The following GMPR variants were observed in gnomAD, a reference collection of about 807,000 sequenced individuals.
The protein encoded by GMPR is GMP reductase 1.
GMPR carries 31 observed loss-of-function variants against 38.4 expected under a neutral mutation model. That is an observed-to-expected ratio of 0.81 (90% CI 0.61 to 1.09). GMPR has a LOEUF of 1.09. Among genes scored for constraint, GMPR ranks in the 50% least tolerant of loss-of-function variants. The pLI, the probability that GMPR is intolerant of heterozygous loss-of-function variation, is 0.00. For synonymous variants in GMPR, 162 were observed against 173.3 expected, an observed-to-expected ratio of 0.93 and a Z score of 0.51; for missense variants, 468 against 453.7, an observed-to-expected ratio of 1.03 and a Z score of -0.29.
At chr6:16,266,678 G>A (rs935716257) in intron 4 of GMPR, among the ~76,000 whole-genome samples, 3 of 151,550 alleles carry the variant, frequency 2.0e-5, no homozygotes, top group Non-Finnish European at 4.4e-5. Context: ...GGGCGCAGTG[G>A]CGGGCGCCTG....
chr6:16,282,798 C>T (rs1176026843), intron 6 of GMPR, among the ~76,000 whole-genome samples: 2 of 151,638 alleles, frequency 1.3e-5, no homozygotes, highest in Non-Finnish European at 2.9e-5. Context: ...ATAATGTGAG[C>T]AAGTATTTTT....
intron 4 of GMPR, among the ~76,000 whole-genome samples, chr6:16,267,032 C>G (rs1349145298): frequency 3.3e-5 from 5 of 151,674 alleles, no homozygotes; most frequent in Non-Finnish European, 7.4e-5. Flanking sequence ...GTAACACTCC[C>G]TGCGAAAAAG....
intron 6 of GMPR, among the ~76,000 whole-genome samples, chr6:16,279,288 C>T (rs1261497115): frequency 6.6e-6 from 1 of 152,144 alleles, no homozygotes; most frequent in African/African-American, 2.4e-5. Context: ...CTCTCAGGGC[C>T]CCAGGGAAGG....
chr6:16,245,008 C>G (rs1030368264), intron 1 of GMPR, among the ~76,000 whole-genome samples: 1 of 152,104 alleles, frequency 6.6e-6, no homozygotes, highest in Non-Finnish European at 1.5e-5. Context: ...TAGCAGCTAG[C>G]CCCATGCCTG....
chr6:16,250,393 T>TGATA, intron 3 of GMPR, 26 bp downstream of exon 3: 1 of 1,338,222 alleles, frequency 7.5e-7, no homozygotes, highest in Non-Finnish European at 1.1e-6. Flanking sequence ...GGTTATCAAT[T>TGATA]ACCAGTGCTG....
chr6:16,288,178 T>C (rs1759727994), intron 7 of GMPR, among the ~76,000 whole-genome samples: 1 of 152,238 alleles, frequency 6.6e-6, no homozygotes, highest in Non-Finnish European at 1.5e-5. Flanking sequence ...CTTCAGCCCG[T>C]CTCTGCACTC....
intron 4 of GMPR, among the ~76,000 whole-genome samples, chr6:16,260,065 G>A (rs557079217): frequency 1.4e-3 from 209 of 150,390 alleles, no homozygotes; most frequent in African/African-American, 2.8e-3. Flanking sequence ...AAAAAGGAGC[G>A]TCTATACAGG....
chr6:16,267,990 A>G (rs936838475), intron 4 of GMPR, among the ~76,000 whole-genome samples: 1 of 152,192 alleles, frequency 6.6e-6, no homozygotes. Flanking sequence ...TTTCCGCTGT[A>G]CGCCTCTTCA....
At chr6:16,262,341 G>A (rs1354073729) in intron 4 of GMPR, 1 of 152,050 alleles carries the variant, frequency 6.6e-6, no homozygotes, top group African/African-American at 2.4e-5. Flanking sequence ...GTGGCTGCCA[G>A]GTGAGTTAGA....
At chr6:16,287,025 T>C (rs1474884307) in intron 7 of GMPR, among the ~76,000 whole-genome samples, 2 of 152,190 alleles carry the variant, frequency 1.3e-5, no homozygotes, top group African/African-American at 4.8e-5. Context: ...AAAGATGTCA[T>C]GAAAAATGGT....
At chr6:16,261,844 T>G (rs1018347051) in intron 4 of GMPR, among the ~76,000 whole-genome samples, 7 of 151,238 alleles carry the variant, frequency 4.6e-5, no homozygotes, top group East Asian at 1.9e-4. Flanking sequence ...GGGTTAAGGT[T>G]GGGGGATACA....
At chr6:16,240,297 A>G (rs1758622044) in intron 1 of GMPR, among the ~76,000 whole-genome samples, 1 of 152,132 alleles carries the variant, frequency 6.6e-6, no homozygotes, top group Non-Finnish European at 1.5e-5. Context: ...CACTTTAGGA[A>G]CCTGAGGTGG....
At chr6:16,294,433 T>C (rs1396446596) in intron 8 of GMPR, among the ~76,000 whole-genome samples, 2 of 152,194 alleles carry the variant, frequency 1.3e-5, no homozygotes, top group Non-Finnish European at 2.9e-5. Flanking sequence ...CGCTATCCAT[T>C]TTATGTCCTC....
intron 4 of GMPR, among the ~76,000 whole-genome samples, chr6:16,266,590 C>G (rs1759239837): frequency 6.6e-6 from 1 of 151,368 alleles, no homozygotes; most frequent in Admixed American, 6.6e-5. Flanking sequence ...ATCACCAGGT[C>G]AGGAGATCAT....
rs1262605287 is a variant in GMPR at position 16,250,305 on chromosome 6, C to G, written c.229C>G (p.His77Asp). The part of the protein sequence containing the change: ...MSQHSMFTAI[H>D]KHYSLDDWKL... ...CTAGCACTCCATGTTTACAGCAATT[C>G]ATAAGCATTACTCCCTGGATGACTG... The change falls in exon 3 of 9, where the codon CAT (histidine) becomes GAT (aspartate). Residue 77 changes from histidine (H) to aspartate (D), a missense_variant. Transcript: ENST00000259727. The G allele has an allele frequency of 1.2e-5, 19 of 1,607,816 alleles. No individual in the cohort carries two copies. Among genetic ancestry groups the G allele is most frequent in the Non-Finnish European group, 1.6e-5 (19 of 1,174,338 alleles).
At chr6:16,258,303 G>T (rs138543280) in intron 4 of GMPR, among the ~76,000 whole-genome samples, 245 of 152,358 alleles carry the variant, frequency 1.6e-3, no homozygotes, top group African/African-American at 5.3e-3. Flanking sequence ...TGGAGCTGCT[G>T]TGGGGTGTAG....
intron 1 of GMPR, among the ~76,000 whole-genome samples, chr6:16,246,510 G>A (rs557217412): frequency 1.3e-5 from 2 of 152,296 alleles, no homozygotes; most frequent in Admixed American, 1.3e-4. Context: ...AAGGAAGAGT[G>A]GAGCAGATCC....
chr6:16,250,045 G>A (rs1339100901), intron 2 of GMPR, among the ~76,000 whole-genome samples: 1 of 152,262 alleles, frequency 6.6e-6, no homozygotes, highest in Non-Finnish European at 1.5e-5. Context: ...TCCTGGCAGA[G>A]CCTCCCTAGT....
intron 4 of GMPR, among the ~76,000 whole-genome samples, chr6:16,266,803 CAA>C (rs559121473): frequency 7.3e-5 from 11 of 150,036 alleles, no homozygotes; most frequent in African/African-American, 2.2e-4. Flanking sequence ...AACAAACAAA[CAA>C]AAAAAGAGCT....
Sources: gnomAD v4.1 joint callset for allele counts (sites outside exome capture counted in the v4.1 genomes callset) on GRCh38, gnomAD v4.1.1 for gene constraint, MANE v1.5 for transcripts, NCBI Gene and HGNC (gene_info 2026-07-23, HGNC 2026-07-21) for gene names.